Variants in SHTN1 observed in about 807,000 individuals in gnomAD.
The protein encoded by SHTN1 is shootin 1.
SHTN1 carries 42 observed loss-of-function variants against 83.1 expected under a neutral mutation model. The observed-to-expected ratio is 0.51, with a 90% CI of 0.39 to 0.65. The LOEUF is 0.65. SHTN1 is among the 30% of genes least tolerant of loss of function. The pLI, the probability that SHTN1 is intolerant of heterozygous loss-of-function variation, is 0.00. For synonymous variants in SHTN1, 224 were observed against 247.7 expected (o/e 0.90, Z 0.90); for missense variants, 622 against 737.8 (o/e 0.84, Z 1.82).
At chr10:116,915,213 C>T (rs1255379994) in intron 13 of SHTN1, among the ~76,000 whole-genome samples, 162 bp downstream of exon 13, 1 of 152,200 alleles carries the variant, frequency 6.6e-6, no homozygotes, top group East Asian at 1.9e-4. Flanking sequence ...CACCATGGGT[C>T]CTCCTGAAAC....
intron 13 of SHTN1, among the ~76,000 whole-genome samples, chr10:116,914,569 AGG>A (rs1315943295): frequency 6.6e-6 from 1 of 152,034 alleles, no homozygotes; most frequent in East Asian, 1.9e-4. Context: ...CAGCCTTGAG[AGG>A]GAGAAAGAAC....
chr10:116,959,993 T>G, intron 4 of SHTN1, 143 bp downstream of exon 4: 1 of 567,756 alleles, frequency 1.8e-6, no homozygotes, highest in East Asian at 2.8e-5. Flanking sequence ...TCCAGGATTC[T>G]GAGGCCTTTT....
chr10:116,906,741 G>T lies in SHTN1; in HGVS notation c.1366C>A (p.Leu456Ile). The change falls in exon 15 of 17, where the codon CTT becomes ATT. Residue 456 changes from leucine to isoleucine, a missense_variant. By Grantham distance (5) the Leu-to-Ile change is conservative. Transcript: ENST00000355371. ...VDELKGILGT[L>I]NKSTSSRSLK... ...CTTCTTGAACTAGTGGATTTGTTAAGTGTCCCCTAAAGTGAAAACAAAACA... is the reference window on the plus strand; with the variant it reads ...CTTCTTGAACTAGTGGATTTGTTAATTGTCCCCTAAAGTGAAAACAAAACA... 6.2e-7 allele frequency: 1 copy of T among 1,611,620 alleles called. No individual in the cohort carries two copies. The highest frequency in any genetic ancestry group is 8.5e-7 in the Non-Finnish European group (1 of 1,178,862).
rs1298242941 is a variant in SHTN1 at position 116,951,987 on chromosome 10, T to C, written c.456A>G (p.Val152=). The part of the protein sequence containing the change: ...KQIKELRDQI[V]SVQEEKKILA... ...AAATCTTCTTTTCCTCCTGAACAGATACAATTTGATCTCGAAGTTCTGCAT... is the reference window on the plus strand; with the variant it reads ...AAATCTTCTTTTCCTCCTGAACAGACACAATTTGATCTCGAAGTTCTGCAT... Residue 152 remains valine (V), a synonymous_variant, in exon 6 of 17, where the codon GTA becomes GTG. Coordinates refer to ENST00000355371, the MANE Select transcript of SHTN1 (RefSeq NM_001127211.3). 2.0e-6 allele frequency: 3 copies of C among 1,533,344 alleles called. No homozygotes were observed. The highest frequency in any genetic ancestry group is 1.4e-5 in the South Asian group (1 of 72,302). The allele number at this position is 1,533,344 out of a possible 1,614,324, so 95.0% of individuals were successfully genotyped here.
intron 16 of SHTN1, among the ~76,000 whole-genome samples, chr10:116,891,680 G>A (rs891658644): frequency 1.3e-5 from 2 of 152,058 alleles, no homozygotes; most frequent in Non-Finnish European, 2.9e-5. Flanking sequence ...AGGTAGTTTT[G>A]ATTGTTTCTT....
intron 1 of SHTN1, among the ~76,000 whole-genome samples, chr10:116,989,420 T>G (rs1035029993): frequency 2.8e-4 from 42 of 152,126 alleles, no homozygotes; most frequent in African/African-American, 9.4e-4. Flanking sequence ...AGAATATTTC[T>G]CCTTAAAATA....
intron 2 of SHTN1, among the ~76,000 whole-genome samples, chr10:117,017,490 C>CAAA (rs34947397): frequency 1.2e-4 from 15 of 126,490 alleles, no homozygotes; most frequent in East Asian, 4.6e-4. Context: ...GACTCCGTCT[C>CAAA]AAAAAAAAAA....
intron 1 of SHTN1, among the ~76,000 whole-genome samples, chr10:117,069,288 G>A (rs1448530289): frequency 2.0e-5 from 3 of 152,140 alleles, no homozygotes; most frequent in East Asian, 1.9e-4. Context: ...TACTGGGTCC[G>A]CCCAATATAG....
At chr10:116,986,981 C>G (rs1851242388) in intron 1 of SHTN1, among the ~76,000 whole-genome samples, 1 of 152,046 alleles carries the variant, frequency 6.6e-6, no homozygotes, top group Non-Finnish European at 1.5e-5. Context: ...CCCGCCTCGG[C>G]CTCCTAAAGT....
At position 116,960,205 on chromosome 10, in the gene SHTN1, A is replaced by G; in HGVS notation, c.198T>C (p.Val66=). 1 of 1,607,596 alleles carries G rather than the reference A, an allele frequency of 6.2e-7. No individual in the cohort carries two copies. Among genetic ancestry groups the G allele is most frequent in the Non-Finnish European group, 8.5e-7 (1 of 1,174,466 alleles). ...TTTCAAGATGGTTCTGCATGAAATT[A>G]ACTTCCTCTATGACCATGTGAGAAA... The part of the protein sequence containing the change: ...QKISHMVIEE[V]NFMQNHLEIE... Residue 66 remains valine (V), a synonymous_variant, in exon 4 of 17, where the codon GTT becomes GTC. Coordinates refer to ENST00000355371, the MANE Select transcript of SHTN1 (RefSeq NM_001127211.3).
chr10:116,912,976 G>A (rs1292092840), intron 13 of SHTN1, among the ~76,000 whole-genome samples: 1 of 152,166 alleles, frequency 6.6e-6, no homozygotes, highest in African/African-American at 2.4e-5. Context: ...CTCTCATAGC[G>A]CAGATTTTCT....
chr10:116,953,808 T>C (rs1013311751), intron 5 of SHTN1, among the ~76,000 whole-genome samples: 3 of 151,898 alleles, frequency 2.0e-5, no homozygotes, highest in Non-Finnish European at 2.9e-5. Flanking sequence ...TTGTATTTTT[T>C]AGTAGAGACC....
At position 116,968,641 on chromosome 10, in the gene SHTN1, T is replaced by A; in HGVS notation, c.172+11A>T. The stretch of plus-strand genomic sequence containing the variant: ...ATGTGTTATAATAATTCCACTGAAA[T>A]GCTTACGTACTTTTCTGAAATTCTT... On this transcript the variant is annotated intron_variant, in intron 3 of 16. Coordinates refer to ENST00000355371, the MANE Select transcript of SHTN1 (RefSeq NM_001127211.3). 6.3e-7 allele frequency: 1 copy of A among 1,596,332 alleles called. No homozygotes were observed. The highest frequency in any genetic ancestry group is 8.6e-7 in the Non-Finnish European group (1 of 1,165,036).
At chr10:116,904,502 T>G (rs1230477604) in intron 15 of SHTN1, among the ~76,000 whole-genome samples, 8 of 152,102 alleles carry the variant, frequency 5.3e-5, no homozygotes, top group Admixed American at 5.2e-4. Flanking sequence ...CAATTACAAG[T>G]CACTCCCTTA....
intron 1 of SHTN1, among the ~76,000 whole-genome samples, chr10:117,068,446 C>T (rs533101074): frequency 6.6e-6 from 1 of 151,766 alleles, no homozygotes; most frequent in African/African-American, 2.4e-5. Flanking sequence ...TCTCGGATTA[C>T]AGCAAGCTGA....
chr10:116,935,598 T>A lies in SHTN1; in HGVS notation c.858+4868A>T, dbSNP rs189353702. Among the ~76,000 whole-genome samples, 102 of 152,304 alleles carry A rather than the reference T, an allele frequency of 6.7e-4. 1 individual carries two copies. Among genetic ancestry groups the A allele is most frequent in the African/African-American group, 2.5e-3 (102 of 41,544 alleles). ...TTTATTGGGGATTTTCACATTGATG[T>A]TCATCAGGGGTATTAGCCTGAAATT... On this transcript the variant is annotated intron_variant, in intron 9 of 16. Transcript: ENST00000355371.
chr10:117,089,248 T>G (rs929013311), intron 1 of SHTN1, among the ~76,000 whole-genome samples: 2 of 152,238 alleles, frequency 1.3e-5, no homozygotes, highest in African/African-American at 4.8e-5. Context: ...TTATGTGGTG[T>G]GTACATTTTT....
chr10:117,037,617 C>T (rs187204016), intron 2 of SHTN1, among the ~76,000 whole-genome samples: 7 of 152,234 alleles, frequency 4.6e-5, no homozygotes, highest in South Asian at 2.1e-4. Flanking sequence ...AGGATAAGAA[C>T]GCAGTTGGAA....
At chr10:117,087,506 T>C (rs1381378012) in intron 1 of SHTN1, among the ~76,000 whole-genome samples, 1 of 152,178 alleles carries the variant, frequency 6.6e-6, no homozygotes, top group East Asian at 1.9e-4. Flanking sequence ...AGAGTGACTA[T>C]TTGATAAATG....
Sources: allele counts gnomAD v4.1 joint callset (sites outside exome capture counted in the v4.1 genomes callset), GRCh38; gene constraint gnomAD v4.1.1; transcripts MANE v1.5; gene names NCBI Gene and HGNC (gene_info 2026-07-23, HGNC 2026-07-21).